Variants in IL27RA observed in about 807,000 individuals in gnomAD.
IL27RA encodes interleukin-27 receptor subunit alpha.
IL27RA carries 61 observed loss-of-function variants against 80.8 expected under a neutral mutation model. The observed-to-expected ratio is 0.76, with a 90% CI of 0.61 to 0.93. IL27RA has a LOEUF of 0.93. Ranked by LOEUF, IL27RA falls within the 40% of genes least tolerant of loss-of-function variation. The probability of loss-of-function intolerance (pLI) is 0.00; values close to 1 mark genes in which losing one functional copy is unlikely to be tolerated. For missense variants in IL27RA, 735 were observed against 808.1 expected (o/e 0.91, Z 1.10); for synonymous variants, 316 against 332.5 (o/e 0.95, Z 0.54).
chr19:14,042,523 A>T lies in IL27RA; in HGVS notation c.605A>T (p.Tyr202Phe). The T allele has an allele frequency of 6.2e-7, 1 of 1,614,212 alleles. No individual in the cohort carries two copies. Among genetic ancestry groups the T allele is most frequent in the South Asian group, 1.1e-5 (1 of 91,086 alleles). The change falls in exon 5 of 14, where the codon TAC becomes TTC. Residue 202 changes from tyrosine (Y) to phenylalanine (F), a missense_variant. Tyr to Phe is a conservative substitution (Grantham distance 22). Coordinates refer to ENST00000263379, the MANE Select transcript of IL27RA (RefSeq NM_004843.4). Reference protein sequence around the residue: ...EIQDLELATGYKVYGRCRMEK... With the variant: ...EIQDLELATGFKVYGRCRMEK... Reference sequence around the variant, plus strand: ...CAAGATTTGGAGCTAGCCACTGGCTACAAAGTGTATGGCCGCTGCCGGATG... The same window carrying T: ...CAAGATTTGGAGCTAGCCACTGGCTTCAAAGTGTATGGCCGCTGCCGGATG...
chr19:14,050,998 TA>T, intron 11 of IL27RA, 115 bp downstream of exon 11: 1 of 1,135,122 alleles, frequency 8.8e-7, no homozygotes, highest in Non-Finnish European at 1.2e-6. Flanking sequence ...CCTGTAATCC[TA>T]ACACTCTGGG....
In IL27RA at chr19:14,049,229, G is replaced by C; in HGVS notation, c.1317G>C (p.Glu439Asp). ...PPGTPAIAWG[E>D]VPRHQLRGHL... ...GGACCCCCGCCATAGCGTGGGGAGA[G>C]GTCCCAAGGCACCAGCTTCGAGGCC... Residue 439 changes from glutamate to aspartate, a missense_variant, in exon 10 of 14, where the codon GAG becomes GAC. Physicochemically the swap from Glu to Asp is conservative, Grantham distance 45. Transcript: ENST00000263379. 6.2e-7 allele frequency: 1 copy of C among 1,614,128 alleles called. No homozygotes were observed. The highest frequency in any genetic ancestry group is 1.7e-5 in the Admixed American group (1 of 60,002).
intron 7 of IL27RA, 40 bp downstream of exon 7, chr19:14,046,377 G>A (rs772147211): frequency 1.2e-6 from 2 of 1,613,760 alleles, no homozygotes; most frequent in South Asian, 1.1e-5. Flanking sequence ...TGCCCTGGAG[G>A]GGTGGGAAGT....
chr19:14,043,424 C>A (rs1976020161), intron 6 of IL27RA, among the ~76,000 whole-genome samples: 1 of 151,710 alleles, frequency 6.6e-6, no homozygotes. Flanking sequence ...TTTATTTATT[C>A]ATTTATTTAT....
chr19:14,043,676 G>A (rs562741513), intron 6 of IL27RA, among the ~76,000 whole-genome samples: 6 of 151,256 alleles, frequency 4.0e-5, no homozygotes, highest in South Asian at 4.2e-4. Context: ...CAGCCACCTC[G>A]GCCTCCCAAA....
chr19:14,048,883 C>A (rs1437386530), intron 8 of IL27RA, 98 bp from the exon 9 acceptor site: 8 of 1,009,386 alleles, frequency 7.9e-6, no homozygotes, highest in Non-Finnish European at 1.1e-5. Context: ...AGATCCTTAT[C>A]TCAGGGTGTC....
Position 14,046,448 on chromosome 19 carries a change from G to C in IL27RA, c.971G>C (p.Arg324Pro). 1.2e-6 allele frequency: 2 copies of C among 1,614,106 alleles called. No individual in the cohort carries two copies. Among genetic ancestry groups the C allele is most frequent in the Non-Finnish European group, 1.7e-6 (2 of 1,180,028 alleles). Residue 324 changes from arginine (R) to proline (P), a missense_variant, in exon 8 of 14, where the codon CGT becomes CCT. Physicochemically the swap from Arg to Pro is moderately radical, Grantham distance 103. Transcript: ENST00000263379. ...LVCLDSASAP[R>P]SVAVSSIAGS... is the part of the protein sequence containing the mutation. ...CCTCCAGATTCAGCCTCTGCCCCCC[G>C]TAGCGTGGCAGTCAGCAGCATCGCT...
chr19:14,032,112 C>T (rs1198505573), intron 1 of IL27RA, 140 bp downstream of exon 1: 3 of 803,094 alleles, frequency 3.7e-6, no homozygotes, highest in Non-Finnish European at 5.8e-6. Context: ...GGGGCAGGGA[C>T]CCGGCGACAC....
intron 6 of IL27RA, among the ~76,000 whole-genome samples, chr19:14,043,423 T>A (rs1976020126): frequency 6.6e-6 from 1 of 151,880 alleles, no homozygotes. Context: ...GTTTATTTAT[T>A]CATTTATTTA....
intron 8 of IL27RA, among the ~76,000 whole-genome samples, chr19:14,048,290 AAATTAATT>A (rs377396890): frequency 3.9e-5 from 5 of 128,676 alleles, no homozygotes; most frequent in East Asian, 5.1e-4. Flanking sequence ...ATAAATAAAT[AAATTAATT>A]AATTAATGAA....
At chr19:14,039,719 G>T in intron 3 of IL27RA, 34 bp from the exon 4 acceptor site, 1 of 1,610,344 alleles carries the variant, frequency 6.2e-7, no homozygotes, top group Non-Finnish European at 8.5e-7. Flanking sequence ...CTTGGAGGGC[G>T]TGGCTCACTA....
intron 1 of IL27RA, 59 bp downstream of exon 1, chr19:14,032,031 C>G (rs1599544277): frequency 1.1e-5 from 15 of 1,424,956 alleles, no homozygotes; most frequent in East Asian, 2.4e-5. Context: ...CGCGAAGGCG[C>G]CAGTGCTCCA....
chr19:14,051,994 G>A, intron 13 of IL27RA, 21 bp downstream of exon 13: 2 of 1,575,562 alleles, frequency 1.3e-6, no homozygotes, highest in Non-Finnish European at 8.6e-7. Context: ...GGGCCGGCTA[G>A]TCGGAGCCCT....
Position 14,031,934 on chromosome 19 carries a change from C to T in IL27RA, c.62C>T (p.Pro21Leu). The change falls in exon 1 of 14, where the codon CCT (proline) becomes CTT (leucine). Residue 21 changes from proline to leucine, a missense_variant. Physicochemically the swap from Pro to Leu is moderately conservative, Grantham distance 98. Coordinates refer to ENST00000263379, the MANE Select transcript of IL27RA (RefSeq NM_004843.4). ...LWPLPKLALLPLLWVLFQRTR... is the reference protein window; with the variant it reads ...LWPLPKLALLLLLWVLFQRTR... ...CCGCTGCCCAAGCTGGCGCTGCTGCCTCTGTTGTGGGTGCTTTTCCAGCGG... is the reference window on the plus strand; with the variant it reads ...CCGCTGCCCAAGCTGGCGCTGCTGCTTCTGTTGTGGGTGCTTTTCCAGCGG... 1.9e-6 allele frequency: 3 copies of T among 1,611,022 alleles called. No homozygotes were observed. In the South Asian group the frequency reaches 3.3e-5, roughly 18 times the overall value.
chr19:14,036,321 C>T (rs1348983546), intron 2 of IL27RA, among the ~76,000 whole-genome samples: 1 of 151,950 alleles, frequency 6.6e-6, no homozygotes, highest in Admixed American at 6.6e-5. Context: ...CCATCATCTT[C>T]TCCCCCTAGC....
chr19:14,041,650 C>T (rs1182428669), intron 4 of IL27RA, among the ~76,000 whole-genome samples: 1 of 152,196 alleles, frequency 6.6e-6, no homozygotes, highest in Non-Finnish European at 1.5e-5. Flanking sequence ...CCTGCTATAC[C>T]TAGCACATAG....
rs578221208 is a variant in IL27RA at position 14,032,567 on chromosome 19, C to G, written c.218+64C>G. The stretch of plus-strand genomic sequence containing the variant: ...AGGTGGCCGCTCAGGCCCCAGGCTG[C>G]TTTGGTTGAAAGGTTCCAGGAGTCA... On this transcript the variant is annotated intron_variant, in intron 2 of 13. Coordinates refer to ENST00000263379, the MANE Select transcript of IL27RA (RefSeq NM_004843.4). 1.9e-4 allele frequency: 186 copies of G among 989,946 alleles called. No individual in the cohort carries two copies. The East Asian group carries it at 4.6e-3, about 24-fold the overall frequency. 61.3% of individuals were successfully genotyped at this position (989,946 alleles called of 1,614,324 possible).
chr19:14,032,285 C>T, intron 1 of IL27RA, 101 bp from the exon 2 acceptor site: 1 of 894,428 alleles, frequency 1.1e-6, no homozygotes, highest in Non-Finnish European at 1.7e-6. Flanking sequence ...TTTCCCTAAG[C>T]CCCCCCACCT....
At position 14,031,925 on chromosome 19, in the gene IL27RA, CGCT is replaced by C; in HGVS notation, c.59_61del (p.Leu20del). 6.2e-7 allele frequency: 1 copy of C among 1,609,048 alleles called. No homozygotes were observed. The highest frequency in any genetic ancestry group is 8.5e-7 in the Non-Finnish European group (1 of 1,178,154). ...TGGCTGTGGCCGCTGCCCAAGCTGG[CGCT>C]GCTGCCTCTGTTGTGGGTGCTTTTC... On this transcript the variant is annotated inframe_deletion, in exon 1 of 14. Transcript: ENST00000263379.
Sources: allele counts gnomAD v4.1 joint callset (sites outside exome capture counted in the v4.1 genomes callset), GRCh38; gene constraint gnomAD v4.1.1; transcripts MANE v1.5; gene names NCBI Gene and HGNC (gene_info 2026-07-23, HGNC 2026-07-21).